ABCC9: variants seen among roughly 807,000 people sequenced by gnomAD.
ABCC9 encodes the protein ATP binding cassette subfamily C member 9.
A neutral mutation model predicts 188.3 loss-of-function variants in ABCC9; 95 were observed. The ratio of observed to expected loss-of-function variants is 0.50; its 90% CI spans 0.43 to 0.60. The LOEUF is 0.60. ABCC9 is among the 20% of genes least tolerant of loss of function. The probability of loss-of-function intolerance (pLI) is 0.00; values close to 1 mark genes in which losing one functional copy is unlikely to be tolerated. For synonymous variants in ABCC9, 659 were observed against 652.7 expected (o/e 1.01, Z -0.15); for missense variants, 1,102 against 1,876.3 (o/e 0.59, Z 7.62).
At chr12:21,886,363 C>A (rs1010318833) in intron 15 of ABCC9, among the ~76,000 whole-genome samples, 1 of 151,948 alleles carries the variant, frequency 6.6e-6, no homozygotes. Context: ...TCCTTGAGTC[C>A]TCTTTCTCCC....
rs1338134228 is a variant in ABCC9 at position 21,798,099 on chromosome 12, A to G, written c.*2945T>C. ...TTGTAAACAATTAGACATTTACTCAACTTAAGTAACTAAAAGTTATGAGGG... is the reference window on the plus strand; with the variant it reads ...TTGTAAACAATTAGACATTTACTCAGCTTAAGTAACTAAAAGTTATGAGGG... On this transcript the variant is annotated 3_prime_UTR_variant, in exon 40 of 40. Transcript: ENST00000261200. The G allele has an allele frequency of 1.3e-5, 2 of 152,208 alleles. No individual in the cohort carries two copies. The highest frequency in any genetic ancestry group is 1.3e-4 in the Admixed American group (2 of 15,276). The allele number at this position is 152,208 out of a possible 1,614,324, so 9.4% of individuals were successfully genotyped here. A position where few individuals can be genotyped will look rare whatever the true frequency, so the allele number is the denominator to read the frequency against.
intron 12 of ABCC9, among the ~76,000 whole-genome samples, chr12:21,897,830 C>A (rs557029330): frequency 7.2e-6 from 1 of 138,004 alleles, no homozygotes; most frequent in African/African-American, 2.8e-5. Flanking sequence ...CCTAGGATGA[C>A]CTCCTCTACC....
intron 16 of ABCC9, among the ~76,000 whole-genome samples, chr12:21,881,723 C>CAT (rs1345692060): frequency 2.6e-5 from 4 of 151,446 alleles, no homozygotes; most frequent in Non-Finnish European, 5.9e-5. Flanking sequence ...CACACACACA[C>CAT]ACACACACAC....
At chr12:21,861,511 C>T (rs1395303320) in intron 20 of ABCC9, among the ~76,000 whole-genome samples, 2 of 152,102 alleles carry the variant, frequency 1.3e-5, no homozygotes, top group Non-Finnish European at 2.9e-5. Flanking sequence ...GGATTACAGG[C>T]GTGAACCACT....
intron 8 of ABCC9, among the ~76,000 whole-genome samples, 171 bp downstream of exon 8, chr12:21,912,701 C>T (rs555060938): frequency 5.3e-5 from 8 of 152,014 alleles, no homozygotes; most frequent in African/African-American, 1.9e-4. Flanking sequence ...AATACATAAA[C>T]ACGTGATTTT....
At chr12:21,894,526 G>T (rs1046417310) in intron 13 of ABCC9, among the ~76,000 whole-genome samples, 3 of 149,450 alleles carry the variant, frequency 2.0e-5, no homozygotes, top group Non-Finnish European at 4.5e-5. Flanking sequence ...TACTCCGGGA[G>T]AAAAAAGAAT....
intron 12 of ABCC9, among the ~76,000 whole-genome samples, chr12:21,901,779 T>C (rs1365369553): frequency 6.6e-6 from 1 of 152,160 alleles, no homozygotes; most frequent in African/African-American, 2.4e-5. Context: ...ATGCATCCAA[T>C]ACAGGAGCCC....
intron 39 of ABCC9, among the ~76,000 whole-genome samples, chr12:21,804,802 A>G (rs1941724285): frequency 6.6e-6 from 1 of 152,222 alleles, no homozygotes; most frequent in African/African-American, 2.4e-5. Context: ...AGTGAAACTC[A>G]AGTAACTATG....
At chr12:21,931,126 G>A (rs182744310) in intron 4 of ABCC9, among the ~76,000 whole-genome samples, 123 of 151,456 alleles carry the variant, frequency 8.1e-4, no homozygotes, top group Admixed American at 1.4e-3. Flanking sequence ...ATTGTAATCC[G>A]AATTGTAATC....
At chr12:21,810,270 T>C (rs1942140948) in intron 36 of ABCC9, among the ~76,000 whole-genome samples, 2 of 152,194 alleles carry the variant, frequency 1.3e-5, no homozygotes, top group South Asian at 2.1e-4. Flanking sequence ...AAATAGTATC[T>C]AGCAAAATAT....
At chr12:21,857,407 G>A (rs1197840922) in intron 22 of ABCC9, among the ~76,000 whole-genome samples, 1 of 152,144 alleles carries the variant, frequency 6.6e-6, no homozygotes, top group East Asian at 1.9e-4. Flanking sequence ...GCAGGCTGAT[G>A]AACAGATAGT....
In ABCC9 at chr12:21,882,678, A is replaced by G. The variant is rs1261607182; in HGVS notation, c.2019+88T>C. ...ACAACTGTAAAAACAATTTAAAGGCACAATTTGGGACACTTTCACAGAACT... is the reference window on the plus strand; with the variant it reads ...ACAACTGTAAAAACAATTTAAAGGCGCAATTTGGGACACTTTCACAGAACT... On this transcript the variant is annotated intron_variant, in intron 16 of 39. Transcript: ENST00000261200. The G allele has an allele frequency of 3.7e-5, 44 of 1,191,982 alleles. No individual in the cohort carries two copies. The East Asian group carries it at 1.0e-3, about 28-fold the overall frequency. 73.8% of individuals were successfully genotyped at this position (1,191,982 alleles called of 1,614,324 possible).
At chr12:21,849,930 A>C (rs1353156198) in intron 24 of ABCC9, among the ~76,000 whole-genome samples, 1 of 151,980 alleles carries the variant, frequency 6.6e-6, no homozygotes, top group African/African-American at 2.4e-5. Context: ...ATTACTATCT[A>C]TCATATTCTT....
At chr12:21,813,889 A>G (rs1327457950) in intron 35 of ABCC9, among the ~76,000 whole-genome samples, 1 of 152,216 alleles carries the variant, frequency 6.6e-6, no homozygotes, top group East Asian at 1.9e-4. Context: ...TACTATAGTC[A>G]TCGTAATCAT....
chr12:21,863,024 A>C lies in ABCC9; in HGVS notation c.2268T>G (p.Ala756=), dbSNP rs780477165. 6.2e-7 allele frequency: 1 copy of C among 1,612,652 alleles called. No homozygotes were observed. Among genetic ancestry groups the C allele is most frequent in the South Asian group, 1.1e-5 (1 of 91,054 alleles). The change falls in exon 20 of 40, where the codon GCT becomes GCG. Residue 756 remains alanine (A), a synonymous_variant. Transcript: ENST00000261200. ...TAGCATTTAATAGCCAAGGCTTTTG[A>C]GCTGCATATGCCACAGAGTACCTGT... ...SRNRYSVAYA[A]QKPWLLNATV...
chr12:21,908,234 A>G, intron 10 of ABCC9, 23 bp from the exon 11 acceptor site: 1 of 1,611,442 alleles, frequency 6.2e-7, no homozygotes, highest in Non-Finnish European at 8.5e-7. Context: ...ACACATGGAA[A>G]AGAGAAGATG....
At chr12:21,870,741 T>A (rs1946028833) in intron 18 of ABCC9, among the ~76,000 whole-genome samples, 2 of 152,202 alleles carry the variant, frequency 1.3e-5, no homozygotes, top group Admixed American at 1.3e-4. Context: ...CAGATGATTA[T>A]TTAAACAATA....
Position 21,903,166 on chromosome 12 carries a change from C to A in ABCC9, c.1618+2960G>T, listed in dbSNP as rs564844994. Among the ~76,000 whole-genome samples, 4 of 152,200 alleles carry A rather than the reference C, an allele frequency of 2.6e-5. No individual in the cohort carries two copies. In the East Asian group the frequency reaches 7.7e-4, roughly 29 times the overall value. On this transcript the variant is annotated intron_variant, in intron 12 of 39. Transcript: ENST00000261200. ...ACGCAAATCCAGCATATAAACAGAA[C>A]CAAAGACAAAAACCACATGATTATC... is the stretch of plus-strand genomic sequence containing the variant.
chr12:21,879,888 G>C, intron 16 of ABCC9, among the ~76,000 whole-genome samples: 1 of 151,852 alleles, frequency 6.6e-6, no homozygotes, highest in East Asian at 1.9e-4. Flanking sequence ...TGTTCTAAAA[G>C]GTGTCAATGT....
Sources: gnomAD v4.1 joint callset for allele counts (sites outside exome capture counted in the v4.1 genomes callset) on GRCh38, gnomAD v4.1.1 for gene constraint, MANE v1.5 for transcripts, NCBI Gene and HGNC (gene_info 2026-07-23, HGNC 2026-07-21) for gene names.